Variants in ZFHX4 observed in about 807,000 individuals in gnomAD.
The protein encoded by ZFHX4 is zinc finger homeobox protein 4.
Under a neutral mutation model 267.6 loss-of-function variants are expected in ZFHX4, and 56 were observed. The observed-to-expected ratio is 0.21, with a 90% CI of 0.17 to 0.26. The LOEUF is 0.26. ZFHX4 is among the 10% of genes least tolerant of loss of function. ZFHX4 has a pLI of 1.00. For missense variants in ZFHX4, 4,332 were observed against 4,420.0 expected (o/e 0.98, Z 0.56); for synonymous variants, 1,778 against 1,665.6 (o/e 1.07, Z -1.64).
At chr8:76,801,478 C>T (rs566369467) in intron 4 of ZFHX4, among the ~76,000 whole-genome samples, 1 of 152,258 alleles carries the variant, frequency 6.6e-6, no homozygotes, top group African/African-American at 2.4e-5. Context: ...CAGAGTAATG[C>T]ATCATTCAGT....
intron 4 of ZFHX4, among the ~76,000 whole-genome samples, chr8:76,828,594 C>A (rs781466162): frequency 2.6e-5 from 4 of 152,186 alleles, no homozygotes; most frequent in African/African-American, 9.7e-5. Flanking sequence ...CTGCTAATAT[C>A]TTTTATTGTA....
chr8:76,833,685 C>T, intron 5 of ZFHX4: 1 of 346,624 alleles, frequency 2.9e-6, no homozygotes, highest in South Asian at 2.8e-5. Flanking sequence ...CACTGCCCTC[C>T]CCACCAGAGT....
At chr8:76,700,448 C>T (rs568962212) in intron 1 of ZFHX4, among the ~76,000 whole-genome samples, 1 of 152,244 alleles carries the variant, frequency 6.6e-6, no homozygotes, top group East Asian at 1.9e-4. Flanking sequence ...AAACTGGCCT[C>T]TCTGATTTTG....
At chr8:76,825,393 A>C (rs1811758055) in intron 4 of ZFHX4, among the ~76,000 whole-genome samples, 1 of 152,216 alleles carries the variant, frequency 6.6e-6, no homozygotes. Context: ...ATTCAAGCCC[A>C]AGTGTATATG....
intron 4 of ZFHX4, among the ~76,000 whole-genome samples, chr8:76,798,877 G>T (rs1811049430): frequency 6.6e-6 from 1 of 151,980 alleles, no homozygotes; most frequent in South Asian, 2.1e-4. Context: ...GACTAAGACG[G>T]TGTCATACTT....
chr8:76,704,564 A>C lies in ZFHX4; in HGVS notation c.476A>C (p.Lys159Thr), dbSNP rs770485449. Residue 159 changes from lysine (K) to threonine (T), a missense_variant, in exon 2 of 11, where the codon AAA becomes ACA. This residue lies in a region of ZFHX4 where 1,195 missense variants were observed against 1,173.6 expected (regional missense o/e 1.02). Transcript: ENST00000651372. Reference protein sequence around the residue: ...GQNAQTGANSKLFSTAMFLDS... With the variant: ...GQNAQTGANSTLFSTAMFLDS... Reference sequence around the variant, plus strand: ...AATGCACAGACTGGGGCAAATAGCAAACTCTTTTCTACAGCGATGTTCCTG... The same window carrying C: ...AATGCACAGACTGGGGCAAATAGCACACTCTTTTCTACAGCGATGTTCCTG... 3.1e-6 allele frequency: 5 copies of C among 1,613,944 alleles called. No individual in the cohort carries two copies. In the Admixed American group the frequency reaches 5.0e-5, roughly 16 times the overall value.
At chr8:76,765,682 C>T (rs1389366141) in intron 3 of ZFHX4, among the ~76,000 whole-genome samples, 1 of 152,052 alleles carries the variant, frequency 6.6e-6, no homozygotes, top group East Asian at 1.9e-4. Context: ...AGAAAATAAA[C>T]TGTCACAAAA....
intron 4 of ZFHX4, among the ~76,000 whole-genome samples, chr8:76,778,755 C>T (rs1489544700): frequency 6.6e-6 from 1 of 152,198 alleles, no homozygotes; most frequent in Non-Finnish European, 1.5e-5. Flanking sequence ...TTTCCTTTCT[C>T]ATGACCAAAG....
intron 4 of ZFHX4, among the ~76,000 whole-genome samples, chr8:76,792,295 T>C (rs1324439346): frequency 6.6e-6 from 1 of 152,116 alleles, no homozygotes; most frequent in African/African-American, 2.4e-5. Flanking sequence ...AGGAACAGAT[T>C]TGTGCAAACA....
chr8:76,709,919 T>C (rs1334767473), intron 3 of ZFHX4, among the ~76,000 whole-genome samples: 1 of 151,946 alleles, frequency 6.6e-6, no homozygotes, highest in African/African-American at 2.4e-5. Flanking sequence ...ACCCTTGAAG[T>C]TCCTTTTCAT....
At chr8:76,794,913 A>G (rs1406860034) in intron 4 of ZFHX4, among the ~76,000 whole-genome samples, 2 of 140,694 alleles carry the variant, frequency 1.4e-5, no homozygotes, top group Non-Finnish European at 3.1e-5. Context: ...GTGTGTGTGG[A>G]CAAATCAAGC....
chr8:76,689,495 G>A (rs1807772942), intron 1 of ZFHX4, among the ~76,000 whole-genome samples: 1 of 152,144 alleles, frequency 6.6e-6, no homozygotes, highest in Non-Finnish European at 1.5e-5. Context: ...CTTGGCACTT[G>A]TTTTAGTTAT....
At chr8:76,836,077 A>G in intron 5 of ZFHX4, among the ~76,000 whole-genome samples, 1 of 152,342 alleles carries the variant, frequency 6.6e-6, no homozygotes, top group East Asian at 1.9e-4. Context: ...TATTTAAAAT[A>G]TTAGTGAGTA....
In ZFHX4 at chr8:76,692,379, G is replaced by A. The variant is rs550622008; in HGVS notation, c.-47+10759G>A. ...ATGATATTATATACTTGATATTAGT[G>A]ACATTTTCATATGCCAAGAAAGGAG... On this transcript the variant is annotated intron_variant, in intron 1 of 10. Transcript: ENST00000651372. 2.6e-5 allele frequency among the ~76,000 whole-genome samples: 4 copies of A among 152,200 alleles called. No individual in the cohort carries two copies. In the East Asian group the frequency reaches 7.7e-4, roughly 29 times the overall value.
At chr8:76,776,439 A>G (rs946481275) in intron 3 of ZFHX4, among the ~76,000 whole-genome samples, 4 of 152,098 alleles carry the variant, frequency 2.6e-5, no homozygotes, top group South Asian at 2.1e-4. Flanking sequence ...GAGAAGGTCA[A>G]TTCCTGGCTT....
rs935252258 is a variant in ZFHX4 at position 76,687,226 on chromosome 8, T to C, written c.-47+5606T>C. 2.6e-5 allele frequency among the ~76,000 whole-genome samples: 4 copies of C among 152,226 alleles called. No homozygotes were observed. The East Asian group carries it at 7.7e-4, about 29-fold the overall frequency. On this transcript the variant is annotated intron_variant, in intron 1 of 10. Coordinates refer to ENST00000651372, the MANE Select transcript of ZFHX4 (RefSeq NM_024721.5). Reference sequence around the variant, plus strand: ...CGTGGTGAAATTTCATTAGTCTCCATGGAGACTGGTTTAATTGTGCTGACT... The same window carrying C: ...CGTGGTGAAATTTCATTAGTCTCCACGGAGACTGGTTTAATTGTGCTGACT...
At chr8:76,747,608 C>A (rs1043828576) in intron 3 of ZFHX4, among the ~76,000 whole-genome samples, 8 of 152,108 alleles carry the variant, frequency 5.3e-5, no homozygotes, top group African/African-American at 1.7e-4. Flanking sequence ...TTTAGCGTGG[C>A]ACTTAATAGA....
chr8:76,713,655 A>C (rs1808488675), intron 3 of ZFHX4, among the ~76,000 whole-genome samples: 1 of 152,148 alleles, frequency 6.6e-6, no homozygotes, highest in African/African-American at 2.4e-5. Context: ...CTAATTCCCC[A>C]CAGAAAACTA....
At chr8:76,702,190 A>G (rs942796302) in intron 1 of ZFHX4, among the ~76,000 whole-genome samples, 1 of 152,186 alleles carries the variant, frequency 6.6e-6, no homozygotes, top group African/African-American at 2.4e-5. Flanking sequence ...CTCATCAATG[A>G]TTAAAATTAA....
Sources: gnomAD v4.1 joint callset for allele counts (sites outside exome capture counted in the v4.1 genomes callset) on GRCh38, gnomAD v4.1.1 for gene constraint, gnomAD v4.1.1 regional missense constraint, MANE v1.5 for transcripts, NCBI Gene and HGNC (gene_info 2026-07-23, HGNC 2026-07-21) for gene names.